PRR16: variants seen among roughly 807,000 people sequenced by gnomAD.
PRR16 encodes the protein protein Largen.
PRR16 carries 6 observed loss-of-function variants against 18.2 expected under a neutral mutation model. That is an observed-to-expected ratio of 0.33 (90% CI 0.18 to 0.65). The LOEUF (loss-of-function observed/expected upper bound fraction) is 0.65, where lower values mean the gene tolerates loss of function less well. PRR16 is among the 30% of genes least tolerant of loss of function. The pLI is 0.74. For synonymous variants in PRR16, 151 were observed against 147.8 expected (o/e 1.02, Z -0.16); for missense variants, 412 against 376.6 (o/e 1.09, Z -0.78).
At chr5:120,695,631 T>C in the PRR16 span, among the ~76,000 whole-genome samples, 1 of 152,144 alleles carries the variant, frequency 6.6e-6, no homozygotes, top group Non-Finnish European at 1.5e-5. Context: ...TCCAAAAATT[T>C]TGATGGTTTA....
chr5:120,670,418 T>C (rs538198429), intron 1 of PRR16, among the ~76,000 whole-genome samples: 10 of 152,234 alleles, frequency 6.6e-5, no homozygotes, highest in African/African-American at 2.4e-4. Flanking sequence ...ATGACCATTA[T>C]ATTTATGATG....
At chr5:120,684,426 A>G (rs1164326965) in intron 1 of PRR16, among the ~76,000 whole-genome samples, 2 of 152,204 alleles carry the variant, frequency 1.3e-5, no homozygotes, top group East Asian at 1.9e-4. Flanking sequence ...ACCATGTGAC[A>G]AAGAGCCAAC....
In PRR16 at chr5:120,686,177, G is replaced by T; in HGVS notation, c.383G>T (p.Arg128Met). Reference protein sequence around the residue: ...RKPNPPPPPPRLTPVKCEDPK... With the variant: ...RKPNPPPPPPMLTPVKCEDPK... Reference sequence around the variant, plus strand: ...CCAAACCCTCCACCACCTCCTCCAAGGTTGACACCTGTGAAGTGTGAAGAC... The same window carrying T: ...CCAAACCCTCCACCACCTCCTCCAATGTTGACACCTGTGAAGTGTGAAGAC... The change falls in exon 2 of 2, where the codon AGG (arginine) becomes ATG (methionine). Residue 128 changes from arginine to methionine, a missense_variant. By Grantham distance (91) the Arg-to-Met change is moderately conservative. Transcript: ENST00000407149. 6.2e-7 allele frequency: 1 copy of T among 1,614,084 alleles called. No individual in the cohort carries two copies. Among genetic ancestry groups the T allele is most frequent in the African/African-American group, 1.3e-5 (1 of 75,026 alleles).
the PRR16 span, among the ~76,000 whole-genome samples, chr5:120,741,741 C>A: frequency 6.6e-6 from 1 of 152,216 alleles, no homozygotes; most frequent in African/African-American, 2.4e-5. Flanking sequence ...GCTGGGATTA[C>A]AGGCACGCAC....
intron 1 of PRR16, among the ~76,000 whole-genome samples, chr5:120,592,766 A>G (rs1753676497): frequency 1.3e-5 from 2 of 152,240 alleles, no homozygotes; most frequent in South Asian, 4.1e-4. Flanking sequence ...GGGTATGTAG[A>G]AGAATTTCAT....
chr5:120,490,466 C>G (rs760715201), intron 1 of PRR16, among the ~76,000 whole-genome samples: 2 of 152,146 alleles, frequency 1.3e-5, no homozygotes, highest in Non-Finnish European at 2.9e-5. Flanking sequence ...CTTGTGTATT[C>G]GTCACGTGGT....
At chr5:120,490,807 A>G (rs1315669547) in intron 1 of PRR16, among the ~76,000 whole-genome samples, 1 of 152,048 alleles carries the variant, frequency 6.6e-6, no homozygotes, top group Non-Finnish European at 1.5e-5. Context: ...GTCTTAGATG[A>G]TGGTAACATA....
At chr5:120,736,586 T>C in the PRR16 span, among the ~76,000 whole-genome samples, 2 of 129,978 alleles carry the variant, frequency 1.5e-5, no homozygotes, top group Non-Finnish European at 3.3e-5. Flanking sequence ...TCCCTGGAGA[T>C]TTTATATGAA....
intron 1 of PRR16, among the ~76,000 whole-genome samples, chr5:120,657,797 G>A (rs560669786): frequency 6.6e-6 from 1 of 151,910 alleles, no homozygotes; most frequent in Admixed American, 6.6e-5. Flanking sequence ...GAATGTGAAC[G>A]CATGTTCCCC....
chr5:120,646,172 TGTGG>T (rs1166235485), intron 1 of PRR16, among the ~76,000 whole-genome samples: 1 of 150,948 alleles, frequency 6.6e-6, no homozygotes, highest in Non-Finnish European at 1.5e-5. Context: ...CAATAATCTC[TGTGG>T]TTATTAGATA....
At chr5:120,476,345 ACAATATTTTACC>A (rs1256558950) in intron 1 of PRR16, among the ~76,000 whole-genome samples, 1 of 152,120 alleles carries the variant, frequency 6.6e-6, no homozygotes, top group Non-Finnish European at 1.5e-5. Context: ...TGATATTATC[ACAATATTTTACC>A]CAACTTGATA....
At chr5:120,755,744 C>CT in the PRR16 span, among the ~76,000 whole-genome samples, 2 of 152,038 alleles carry the variant, frequency 1.3e-5, no homozygotes, top group African/African-American at 4.8e-5. Context: ...TGGATACATA[C>CT]CCAGTAATAG....
In PRR16 at chr5:120,655,348, G is replaced by C. The variant is rs115272080; in HGVS notation, c.160-30606G>C. 4.5e-3 allele frequency among the ~76,000 whole-genome samples: 665 copies of C among 146,270 alleles called. 6 individuals are homozygous for C. Among genetic ancestry groups the C allele is most frequent in the African/African-American group, 0.016 (624 of 39,888 alleles). On this transcript the variant is annotated intron_variant, in intron 1 of 1. Coordinates refer to ENST00000407149, the MANE Select transcript of PRR16 (RefSeq NM_001300783.2). Reference sequence around the variant, plus strand: ...ATGTTAGCAAGAATTTTCAATGGATGATTTATCTTCAAATCAATAATTGAC... The same window carrying C: ...ATGTTAGCAAGAATTTTCAATGGATCATTTATCTTCAAATCAATAATTGAC...
intron 1 of PRR16, among the ~76,000 whole-genome samples, chr5:120,468,660 C>G (rs1470665787): frequency 6.6e-6 from 1 of 152,178 alleles, no homozygotes. Flanking sequence ...ATGAAGATCT[C>G]ACTGGTAAAC....
At chr5:120,623,408 T>C (rs780394609) in intron 1 of PRR16, among the ~76,000 whole-genome samples, 1 of 152,156 alleles carries the variant, frequency 6.6e-6, no homozygotes, top group African/African-American at 2.4e-5. Context: ...TCAGTGTAAT[T>C]ATTAGAACAT....
Position 120,508,034 on chromosome 5 carries a change from C to G in PRR16, c.159+43389C>G, listed in dbSNP as rs76501260. 4.2e-3 allele frequency among the ~76,000 whole-genome samples: 632 copies of G among 152,242 alleles called. 5 individuals carry two copies. The highest frequency in any genetic ancestry group is 0.014 in the African/African-American group (597 of 41,568). On this transcript the variant is annotated intron_variant, in intron 1 of 1. Transcript: ENST00000407149. ...ACTAAATAACTATATTTCTCAACCTCTCCTACTAAATTGTGGTGCAGTCAG... is the reference window on the plus strand; with the variant it reads ...ACTAAATAACTATATTTCTCAACCTGTCCTACTAAATTGTGGTGCAGTCAG...
intron 1 of PRR16, among the ~76,000 whole-genome samples, chr5:120,528,392 A>G (rs534277394): frequency 1.3e-5 from 2 of 152,290 alleles, no homozygotes; most frequent in East Asian, 3.9e-4. Flanking sequence ...TGCCAGACAC[A>G]TTATTTTGTA....
chr5:120,786,022 C>G, the PRR16 span, among the ~76,000 whole-genome samples: 1 of 146,866 alleles, frequency 6.8e-6, no homozygotes, highest in African/African-American at 2.5e-5. Context: ...TTTTTTGTAG[C>G]TTTGCTAGTT....
chr5:120,667,439 T>G (rs1241303877), intron 1 of PRR16, among the ~76,000 whole-genome samples: 4 of 152,186 alleles, frequency 2.6e-5, no homozygotes, highest in African/African-American at 9.7e-5. Flanking sequence ...AAGCGTTTTT[T>G]GTGTCTCTAT....
Sources: allele counts gnomAD v4.1 joint callset (sites outside exome capture counted in the v4.1 genomes callset), GRCh38; gene constraint gnomAD v4.1.1; transcripts MANE v1.5; gene names NCBI Gene and HGNC (gene_info 2026-07-23, HGNC 2026-07-21).